The following VPS13B variants were observed in gnomAD, a reference collection of about 807,000 sequenced individuals.
VPS13B encodes vacuolar protein sorting 13 homolog B, also known as intermembrane lipid transfer protein VPS13B.
Under a neutral mutation model 426.4 loss-of-function variants are expected in VPS13B, and 285 were observed. That is an observed-to-expected ratio of 0.67 (90% CI 0.61 to 0.74). The LOEUF is 0.74. Ranked by LOEUF, VPS13B falls within the 30% of genes least tolerant of loss-of-function variation. The pLI is 0.00. For synonymous variants in VPS13B, 1,676 were observed against 1,676.4 expected, an observed-to-expected ratio of 1.00 and a Z score of 0.01; for missense variants, 4,537 against 4,782.6, an observed-to-expected ratio of 0.95 and a Z score of 1.51.
chr8:99,222,173 G>A (rs1435059346), intron 17 of VPS13B, among the ~76,000 whole-genome samples: 1 of 152,116 alleles, frequency 6.6e-6, no homozygotes, highest in African/African-American at 2.4e-5. Flanking sequence ...GTTTTTATCA[G>A]TGAAACACTG....
At position 99,418,866 on chromosome 8, in the gene VPS13B, G is replaced by GCTCTTCT. The variant is rs562343884; in HGVS notation, c.3083-12670_3083-12664dup. 3.2e-4 allele frequency among the ~76,000 whole-genome samples: 48 copies of GCTCTTCT among 152,238 alleles called. No individual in the cohort carries two copies. In the East Asian group the frequency reaches 9.1e-3, roughly 29 times the overall value. On this transcript the variant is annotated intron_variant, in intron 21 of 61. Transcript: ENST00000357162. Reference sequence around the variant, plus strand: ...TATTGCCTAGAAATCTAGAGCTTGCGCTCTTCTAGATGGCTTGGTGTTCAC... The same window carrying GCTCTTCT: ...TATTGCCTAGAAATCTAGAGCTTGCGCTCTTCTCTCTTCTAGATGGCTTGGTGTTCAC...
chr8:99,562,194 A>T (rs1184011010), intron 31 of VPS13B, among the ~76,000 whole-genome samples: 1 of 152,128 alleles, frequency 6.6e-6, no homozygotes, highest in Non-Finnish European at 1.5e-5. Context: ...ATAATGATTA[A>T]TGAACTTGAG....
At chr8:99,858,061 A>T (rs552084013) in intron 56 of VPS13B, among the ~76,000 whole-genome samples, 2 of 152,256 alleles carry the variant, frequency 1.3e-5, no homozygotes, top group East Asian at 1.9e-4. Context: ...TGAGCTGAGG[A>T]TCTCTGTCAC....
chr8:99,321,165 A>G (rs1364847616), intron 19 of VPS13B, among the ~76,000 whole-genome samples: 1 of 151,580 alleles, frequency 6.6e-6, no homozygotes, highest in Non-Finnish European at 1.5e-5. Context: ...TTGTTTTAGA[A>G]GCTGACGGTA....
intron 19 of VPS13B, among the ~76,000 whole-genome samples, chr8:99,298,555 A>G (rs972004808): frequency 3.3e-5 from 5 of 150,932 alleles, no homozygotes; most frequent in African/African-American, 1.2e-4. Context: ...TCTGATAGAA[A>G]GATTATCTTG....
chr8:99,594,160 G>C (rs1307983492), intron 33 of VPS13B, among the ~76,000 whole-genome samples: 1 of 151,732 alleles, frequency 6.6e-6, no homozygotes, highest in African/African-American at 2.4e-5. Flanking sequence ...AGGTCTGTTT[G>C]TTGATTTTTC....
intron 3 of VPS13B, among the ~76,000 whole-genome samples, chr8:99,066,284 G>T (rs1304130384): frequency 1.3e-5 from 2 of 152,156 alleles, no homozygotes; most frequent in African/African-American, 2.4e-5. Context: ...AAACAGCATG[G>T]TACTGGTACC....
chr8:99,289,080 A>G (rs1819591377), intron 19 of VPS13B, among the ~76,000 whole-genome samples: 1 of 152,106 alleles, frequency 6.6e-6, no homozygotes, highest in Non-Finnish European at 1.5e-5. Flanking sequence ...GGAAGGAAGG[A>G]AGGAAAGAAA....
At chr8:99,087,735 A>G (rs1845913122) in intron 3 of VPS13B, among the ~76,000 whole-genome samples, 1 of 151,712 alleles carries the variant, frequency 6.6e-6, no homozygotes, top group African/African-American at 2.4e-5. Flanking sequence ...GGAATATGCT[A>G]CAAAGCCCTG....
At chr8:99,092,346 A>AATTT (rs1846196427) in intron 3 of VPS13B, among the ~76,000 whole-genome samples, 4 of 152,166 alleles carry the variant, frequency 2.6e-5, no homozygotes, top group Admixed American at 2.6e-4. Flanking sequence ...GAAAATTGCA[A>AATTT]CCTAAATAAG....
In VPS13B at chr8:99,717,070, A is replaced by G. The variant is rs147966088; in HGVS notation, c.6455-101A>G. On this transcript the variant is annotated intron_variant, in intron 36 of 61. Transcript: ENST00000357162. The stretch of plus-strand genomic sequence containing the variant: ...CTGCCAACCAAGCAAGACGACTCTG[A>G]CAAAGGATGAATTAATACTCTTCAA... The G allele has an allele frequency of 2.3e-4, 276 of 1,206,444 alleles. 1 individual carries two copies. In the African/African-American group the frequency reaches 3.1e-3, roughly 14 times the overall value. The allele number at this position is 1,206,444 out of a possible 1,614,324, so 74.7% of individuals were successfully genotyped here.
Position 99,823,930 on chromosome 8 carries a change from A to C in VPS13B, c.9282A>C (p.Ile3094=). The C allele has an allele frequency of 6.2e-7, 1 of 1,613,436 alleles. No homozygotes were observed. The highest frequency in any genetic ancestry group is 8.5e-7 in the Non-Finnish European group (1 of 1,179,860). ...TTIINNTPYQ[I]FYKPQLSVCN... is the part of the protein sequence containing the mutation. ...TAATCAATAATACACCATATCAAAT[A>C]TTTTATAAACCACAGCTATCTGTCT... Residue 3094 remains isoleucine, a synonymous_variant, in exon 51 of 62, where the codon ATA becomes ATC. Transcript: ENST00000357162.
intron 30 of VPS13B, among the ~76,000 whole-genome samples, chr8:99,551,862 A>G (rs1388707654): frequency 6.6e-6 from 1 of 151,910 alleles, no homozygotes; most frequent in Non-Finnish European, 1.5e-5. Flanking sequence ...TGTCTTCCTT[A>G]TGATTATTTC....
intron 35 of VPS13B, among the ~76,000 whole-genome samples, chr8:99,679,097 C>T (rs1329704021): frequency 1.3e-5 from 2 of 152,156 alleles, no homozygotes; most frequent in African/African-American, 2.4e-5. Flanking sequence ...TTAGGTTAGC[C>T]TAAGTCTTGT....
At chr8:99,821,568 T>C (rs561220146) in intron 50 of VPS13B, 86 bp downstream of exon 50, 3 of 1,485,414 alleles carry the variant, frequency 2.0e-6, no homozygotes, top group African/African-American at 1.4e-5. Flanking sequence ...TTCTTTTTGA[T>C]ACCTTTTTCA....
At chr8:99,059,099 T>C (rs1281004755) in intron 3 of VPS13B, among the ~76,000 whole-genome samples, 2 of 152,204 alleles carry the variant, frequency 1.3e-5, no homozygotes, top group Non-Finnish European at 2.9e-5. Context: ...GCTATGGATA[T>C]AGTAGTTAGT....
chr8:99,632,052 T>C (rs542633430), intron 33 of VPS13B, among the ~76,000 whole-genome samples: 1 of 152,066 alleles, frequency 6.6e-6, no homozygotes, highest in Non-Finnish European at 1.5e-5. Context: ...GTAGAAACTT[T>C]ATTTCTTAAC....
At chr8:99,409,681 G>T (rs1815518744) in intron 21 of VPS13B, among the ~76,000 whole-genome samples, 1 of 151,954 alleles carries the variant, frequency 6.6e-6, no homozygotes, top group Non-Finnish European at 1.5e-5. Context: ...CCACTTACAG[G>T]AAAAACAATT....
intron 52 of VPS13B, among the ~76,000 whole-genome samples, chr8:99,834,745 A>T (rs1383573355): frequency 6.6e-6 from 1 of 152,104 alleles, no homozygotes; most frequent in African/African-American, 2.4e-5. Context: ...TTTGCTGTAG[A>T]GATGGGGTTT....
Sources: gnomAD v4.1 joint callset for allele counts (sites outside exome capture counted in the v4.1 genomes callset) on GRCh38, gnomAD v4.1.1 for gene constraint, MANE v1.5 for transcripts, NCBI Gene and HGNC (gene_info 2026-07-23, HGNC 2026-07-21) for gene names.